The following PAM variants were observed in gnomAD, a reference collection of about 807,000 sequenced individuals.
The protein encoded by PAM is peptidylglycine alpha-amidating monooxygenase.
PAM carries 72 observed loss-of-function variants against 122.1 expected under a neutral mutation model. The ratio of observed to expected loss-of-function variants is 0.59; its 90% CI spans 0.49 to 0.72. The LOEUF (loss-of-function observed/expected upper bound fraction) is 0.72. Among genes scored for constraint, PAM ranks in the 30% least tolerant of loss-of-function variants. The pLI is 0.00. For synonymous variants in PAM, 389 were observed against 404.4 expected, an observed-to-expected ratio of 0.96 and a Z score of 0.46; for missense variants, 1,106 against 1,183.7, an observed-to-expected ratio of 0.93 and a Z score of 0.96.
At chr5:102,762,557 A>C (rs951586097) in intron 1 of PAM, among the ~76,000 whole-genome samples, 4 of 152,142 alleles carry the variant, frequency 2.6e-5, no homozygotes, top group Middle Eastern at 3.4e-3. Context: ...GCTACATCTT[A>C]TTTTAAAAGA....
intron 1 of PAM, among the ~76,000 whole-genome samples, chr5:102,820,713 T>G (rs1298972180): frequency 2.0e-5 from 3 of 152,200 alleles, no homozygotes; most frequent in African/African-American, 7.2e-5. Flanking sequence ...AAAAATTGGT[T>G]GGAATTCTAC....
intron 5 of PAM, among the ~76,000 whole-genome samples, chr5:102,916,209 A>T (rs1046770887): frequency 1.3e-5 from 2 of 152,068 alleles, no homozygotes; most frequent in Non-Finnish European, 2.9e-5. Context: ...AAAATTCCAT[A>T]ATTCTATGAA....
intron 15 of PAM, among the ~76,000 whole-genome samples, chr5:102,983,977 G>T (rs936546392): frequency 1.3e-5 from 2 of 152,100 alleles, no homozygotes; most frequent in African/African-American, 2.4e-5. Flanking sequence ...GAATTCATTC[G>T]CATTAGAACA....
Position 102,921,332 on chromosome 5 carries a change from G to A in PAM, c.357-3625G>A, listed in dbSNP as rs540163907. 3.3e-5 allele frequency among the ~76,000 whole-genome samples: 5 copies of A among 151,786 alleles called. No homozygotes were observed. The South Asian group carries it at 8.3e-4, about 25-fold the overall frequency. ...CTACTTCCATAGGTCCTTTTTTTTG[G>A]GAAGCCAAAATATACTATACCATCT... On this transcript the variant is annotated intron_variant, in intron 5 of 25. Transcript: ENST00000438793.
chr5:102,802,576 G>T (rs1300118062), intron 1 of PAM, among the ~76,000 whole-genome samples: 1 of 152,034 alleles, frequency 6.6e-6, no homozygotes, highest in Non-Finnish European at 1.5e-5. Flanking sequence ...ATAGCATGTT[G>T]TATTGGAGCA....
intron 1 of PAM, among the ~76,000 whole-genome samples, chr5:102,834,719 G>A (rs1332818876): frequency 6.6e-6 from 1 of 152,166 alleles, no homozygotes; most frequent in African/African-American, 2.4e-5. Flanking sequence ...GAGCCTGCCT[G>A]TGAAAAGAAA....
chr5:102,957,349 A>T (rs1454168687), intron 12 of PAM, among the ~76,000 whole-genome samples: 1 of 152,088 alleles, frequency 6.6e-6, no homozygotes, highest in Non-Finnish European at 1.5e-5. Context: ...AACACAAAGG[A>T]GCCCGGTCAG....
intron 1 of PAM, among the ~76,000 whole-genome samples, chr5:102,780,751 TTCTC>T (rs1184517447): frequency 1.4e-5 from 2 of 139,930 alleles, no homozygotes; most frequent in African/African-American, 2.8e-5. Flanking sequence ...TTTTCTTTCT[TTCTC>T]TTTCTTTCTT....
chr5:102,976,990 C>T (rs949491523), intron 15 of PAM, among the ~76,000 whole-genome samples: 5 of 152,192 alleles, frequency 3.3e-5, no homozygotes, highest in Non-Finnish European at 2.9e-5. Context: ...GAACCCTGAT[C>T]TGATGTCCCC....
At position 102,898,770 on chromosome 5, in the gene PAM, A is replaced by G. The variant is rs994277312; in HGVS notation, c.211-2586A>G. On this transcript the variant is annotated intron_variant, in intron 3 of 25. Transcript: ENST00000438793. ...CTAAAATTGTGTCTAAGAACTGACA[A>G]CATTTTTTTAGAGAGGTTTGAAAAA... Among the ~76,000 whole-genome samples, 3 of 151,666 alleles carry G rather than the reference A, an allele frequency of 2.0e-5. No individual in the cohort carries two copies. The East Asian group carries it at 5.8e-4, about 30-fold the overall frequency.
chr5:102,788,214 G>T (rs1037766282), intron 1 of PAM, among the ~76,000 whole-genome samples: 4 of 152,104 alleles, frequency 2.6e-5, no homozygotes, highest in South Asian at 4.2e-4. Context: ...TGTTAACAAG[G>T]TGTGATAATT....
intron 16 of PAM, among the ~76,000 whole-genome samples, chr5:102,990,941 C>G (rs986015524): frequency 1.3e-5 from 2 of 152,146 alleles, no homozygotes; most frequent in Non-Finnish European, 2.9e-5. Flanking sequence ...TTTTATTACT[C>G]AAATTTGCTC....
intron 1 of PAM, among the ~76,000 whole-genome samples, chr5:102,814,547 A>G (rs903756787): frequency 6.1e-5 from 9 of 147,866 alleles, no homozygotes; most frequent in African/African-American, 9.9e-5. Context: ...ATATATTGAT[A>G]TATACATATA....
rs528797978 is a variant in PAM, at chr5:103,018,802, T to C, written c.2432-988T>C. Among the ~76,000 whole-genome samples, 17 of 152,314 alleles carry C rather than the reference T, an allele frequency of 1.1e-4. No homozygotes were observed. In the South Asian group the frequency reaches 3.5e-3, roughly 32 times the overall value. ...CAATCTGAGGCCCTGTATACCGTGATCCCCAGCCTTTTTGGCATTAAGGGA... is the reference window on the plus strand; with the variant it reads ...CAATCTGAGGCCCTGTATACCGTGACCCCCAGCCTTTTTGGCATTAAGGGA... On this transcript the variant is annotated intron_variant, in intron 22 of 25. Transcript: ENST00000438793.
intron 23 of PAM, among the ~76,000 whole-genome samples, chr5:103,020,187 T>G (rs1040060622): frequency 2.2e-4 from 33 of 152,138 alleles, no homozygotes; most frequent in African/African-American, 7.5e-4. Flanking sequence ...AAAATATGAT[T>G]TGGCATATTG....
chr5:102,962,582 G>A (rs1200119448), intron 14 of PAM, among the ~76,000 whole-genome samples: 1 of 151,728 alleles, frequency 6.6e-6, no homozygotes, highest in Non-Finnish European at 1.5e-5. Flanking sequence ...CTTATAAAAT[G>A]GTATGTTTCT....
intron 5 of PAM, among the ~76,000 whole-genome samples, chr5:102,915,123 G>A (rs1481841167): frequency 2.0e-5 from 3 of 152,054 alleles, no homozygotes; most frequent in Non-Finnish European, 4.4e-5. Flanking sequence ...CGTAGACCCA[G>A]AATCACTGTC....
intron 7 of PAM, among the ~76,000 whole-genome samples, chr5:102,934,417 C>G (rs1291329220): frequency 1.3e-5 from 2 of 152,212 alleles, no homozygotes; most frequent in African/African-American, 4.8e-5. Flanking sequence ...GACAGCAGCC[C>G]TGCTGAAACA....
At chr5:102,915,335 A>G (rs529608211) in intron 5 of PAM, among the ~76,000 whole-genome samples, 30 of 152,240 alleles carry the variant, frequency 2.0e-4, no homozygotes, top group African/African-American at 7.0e-4. Context: ...TGGAACTGTT[A>G]AAAACACAGG....
Sources: gnomAD v4.1 joint callset for allele counts (sites outside exome capture counted in the v4.1 genomes callset) on GRCh38, gnomAD v4.1.1 for gene constraint, MANE v1.5 for transcripts, NCBI Gene and HGNC (gene_info 2026-07-23, HGNC 2026-07-21) for gene names.